Variants in GRIK3 observed in about 807,000 individuals in gnomAD.
GRIK3 encodes glutamate receptor ionotropic, kainate 3.
GRIK3 carries 29 observed loss-of-function variants against 102.5 expected under a neutral mutation model. The ratio of observed to expected loss-of-function variants is 0.28; its 90% confidence interval spans 0.21 to 0.39. The LOEUF (loss-of-function observed/expected upper bound fraction) is 0.39, where lower values mean the gene tolerates loss of function less well. GRIK3 is among the 10% of genes least tolerant of loss of function. The pLI, the probability that GRIK3 is intolerant of heterozygous loss-of-function variation, is 1.00. For synonymous variants in GRIK3, 511 were observed against 504.9 expected (o/e 1.01, Z -0.16); for missense variants, 908 against 1,252.4 (o/e 0.73, Z 4.15).
intron 1 of GRIK3, among the ~76,000 whole-genome samples, chr1:36,924,724 G>A (rs895266514): frequency 3.9e-5 from 6 of 152,162 alleles, no homozygotes; most frequent in African/African-American, 1.2e-4. Context: ...AACACTGCAC[G>A]GCAGTGCTGG....
chr1:36,955,445 C>T (rs768921408), intron 1 of GRIK3, among the ~76,000 whole-genome samples: 11 of 152,202 alleles, frequency 7.2e-5, no homozygotes, highest in South Asian at 4.1e-4. Flanking sequence ...CAGTGGAACA[C>T]AGGCACTGAG....
chr1:36,852,142 G>A (rs1640593232), intron 8 of GRIK3, among the ~76,000 whole-genome samples: 1 of 152,190 alleles, frequency 6.6e-6, no homozygotes, highest in African/African-American at 2.4e-5. Context: ...ATCTTAGGAG[G>A]GGAGGCCACA....
At chr1:36,931,241 A>T (rs1015224770) in intron 1 of GRIK3, among the ~76,000 whole-genome samples, 4 of 152,228 alleles carry the variant, frequency 2.6e-5, no homozygotes, top group Non-Finnish European at 5.9e-5. Flanking sequence ...TTCAATAAGG[A>T]ACATGACTGA....
rs77653389 is a variant in GRIK3, at chr1:36,847,104, T to C, written c.1326+3207A>G. On this transcript the variant is annotated intron_variant, in intron 9 of 15. Transcript: ENST00000373091. ...AGTCACCCCCAGGCCATGTGAGTATTTGATACTACATGATGGGGTTAAGAT... is the reference window on the plus strand; with the variant it reads ...AGTCACCCCCAGGCCATGTGAGTATCTGATACTACATGATGGGGTTAAGAT... Among the ~76,000 whole-genome samples, 1,076 of 152,338 alleles carry C rather than the reference T, an allele frequency of 7.1e-3. 14 individuals carry two copies. Among genetic ancestry groups the C allele is most frequent in the African/African-American group, 0.024 (1,003 of 41,576 alleles).
At chr1:36,971,676 T>C (rs1433277308) in intron 1 of GRIK3, among the ~76,000 whole-genome samples, 4 of 152,114 alleles carry the variant, frequency 2.6e-5, no homozygotes, top group Admixed American at 2.6e-4. Flanking sequence ...CTTGCCCCAA[T>C]CCCAGGGAGG....
At chr1:36,869,829 A>G (rs747353507) in intron 4 of GRIK3, 28 bp from the exon 5 acceptor site, 10 of 1,588,230 alleles carry the variant, frequency 6.3e-6, no homozygotes, top group Non-Finnish European at 8.6e-6. Context: ...GTTAGTGATC[A>G]GCAGGGAACC....
chr1:36,886,033 T>C (rs1557713884), intron 2 of GRIK3, among the ~76,000 whole-genome samples: 1 of 152,148 alleles, frequency 6.6e-6, no homozygotes, highest in Non-Finnish European at 1.5e-5. Context: ...GAGCCCTGGG[T>C]CAATTCCAGG....
intron 3 of GRIK3, among the ~76,000 whole-genome samples, chr1:36,878,522 G>T (rs182624836): frequency 6.6e-6 from 1 of 152,366 alleles, no homozygotes; most frequent in East Asian, 1.9e-4. Context: ...GAGAGCTGGA[G>T]GGCTCTTTCA....
At chr1:36,837,465 G>C (rs1640393106) in intron 10 of GRIK3, among the ~76,000 whole-genome samples, 1 of 152,062 alleles carries the variant, frequency 6.6e-6, no homozygotes, top group Non-Finnish European at 1.5e-5. Context: ...TCTCCTGCTT[G>C]TCTGCTGGCT....
intron 1 of GRIK3, among the ~76,000 whole-genome samples, chr1:36,958,336 C>T (rs1350401666): frequency 1.3e-5 from 1 of 74,830 alleles, no homozygotes; most frequent in Non-Finnish European, 2.3e-5. Context: ...GCCCCATGAG[C>T]CTGTGTGCTC....
chr1:36,984,365 G>A (rs962796316), intron 1 of GRIK3, among the ~76,000 whole-genome samples: 1 of 152,240 alleles, frequency 6.6e-6, no homozygotes, highest in African/African-American at 2.4e-5. Context: ...ACACTTGTGA[G>A]GACAGGGGCC....
chr1:36,955,326 A>G (rs1641893546), intron 1 of GRIK3, among the ~76,000 whole-genome samples: 1 of 152,126 alleles, frequency 6.6e-6, no homozygotes, highest in African/African-American at 2.4e-5. Flanking sequence ...CTGACCCAAC[A>G]CCACCCAAAC....
intron 13 of GRIK3, among the ~76,000 whole-genome samples, chr1:36,815,535 T>C (rs1473013919): frequency 6.6e-6 from 1 of 152,226 alleles, no homozygotes; most frequent in Non-Finnish European, 1.5e-5. Context: ...TTGAGAGCAG[T>C]TGATTAATAG....
chr1:36,896,556 T>C (rs1046117553), intron 1 of GRIK3, among the ~76,000 whole-genome samples: 1 of 151,936 alleles, frequency 6.6e-6, no homozygotes, highest in Non-Finnish European at 1.5e-5. Context: ...ATATGCTCAA[T>C]TAAAATCATG....
intron 13 of GRIK3, among the ~76,000 whole-genome samples, chr1:36,814,512 C>A (rs553033859): frequency 8.0e-6 from 1 of 124,790 alleles, no homozygotes; most frequent in Non-Finnish European, 1.7e-5. Flanking sequence ...TACATAGACC[C>A]CCCCCCCCCA....
chr1:36,923,421 A>G (rs1218657497), intron 1 of GRIK3, among the ~76,000 whole-genome samples: 13 of 152,178 alleles, frequency 8.5e-5, no homozygotes, highest in Admixed American at 7.9e-4. Context: ...GTCTGACTGG[A>G]GACCCTAGAA....
At chr1:36,811,992 G>A (rs1642567691) in intron 13 of GRIK3, among the ~76,000 whole-genome samples, 1 of 152,138 alleles carries the variant, frequency 6.6e-6, no homozygotes, top group African/African-American at 2.4e-5. Flanking sequence ...ACTTGATGAC[G>A]ACAGGCGGCA....
chr1:36,891,371 T>C (rs1484524342), intron 1 of GRIK3, among the ~76,000 whole-genome samples: 1 of 152,146 alleles, frequency 6.6e-6, no homozygotes, highest in Non-Finnish European at 1.5e-5. Flanking sequence ...AAATTCTCAA[T>C]AGAATTATAG....
At chr1:36,809,592 C>T (rs1337453450) in intron 13 of GRIK3, among the ~76,000 whole-genome samples, 1 of 152,116 alleles carries the variant, frequency 6.6e-6, no homozygotes, top group Non-Finnish European at 1.5e-5. Flanking sequence ...CACTTCTTCT[C>T]TTTCTCTAAA....
Sources: allele counts gnomAD v4.1 joint callset (sites outside exome capture counted in the v4.1 genomes callset), GRCh38; gene constraint gnomAD v4.1.1; transcripts MANE v1.5; gene names NCBI Gene and HGNC (gene_info 2026-07-23, HGNC 2026-07-21).